Variants in MRPS14 observed in about 807,000 individuals in gnomAD.
The protein encoded by MRPS14 is small ribosomal subunit protein uS14m.
Under a neutral mutation model 16.4 loss-of-function variants are expected in MRPS14, and 14 were observed. The ratio of observed to expected loss-of-function variants is 0.85; its 90% CI spans 0.56 to 1.33. The LOEUF (loss-of-function observed/expected upper bound fraction) is 1.33, where lower values mean the gene tolerates loss of function less well. Among genes scored for constraint, MRPS14 ranks in the 40% most tolerant of loss-of-function variants. MRPS14 has a pLI of 0.00. For missense variants in MRPS14, 162 were observed against 176.8 expected, an observed-to-expected ratio of 0.92 and a Z score of 0.48; for synonymous variants, 54 against 61.9, an observed-to-expected ratio of 0.87 and a Z score of 0.60.
intron 1 of MRPS14, among the ~76,000 whole-genome samples, chr1:175,020,320 G>C (rs2149415343): frequency 6.6e-6 from 1 of 152,324 alleles, no homozygotes; most frequent in South Asian, 2.1e-4. Flanking sequence ...GGGGCAATGT[G>C]AGGTTTGCTT....
In MRPS14 at chr1:175,018,480, C is replaced by T. The variant is rs139531485; in HGVS notation, c.142G>A (p.Ala48Thr). The T allele has an allele frequency of 8.7e-6, 14 of 1,612,736 alleles. No individual in the cohort carries two copies. The highest frequency in any genetic ancestry group is 6.7e-5 in the African/African-American group (5 of 74,824). ...VKRRKMAYEY[A>T]DERLRINSLR... The stretch of plus-strand genomic sequence containing the variant: ...GAATTAATACGTAGCCTCTCATCTG[C>T]GTATTCATAGGCCATTTTTCGTCTC... The change falls in exon 2 of 3, where the codon GCA (alanine) becomes ACA (threonine). Residue 48 changes from alanine to threonine, a missense_variant. Physicochemically the swap from Ala to Thr is moderately conservative, Grantham distance 58. Coordinates refer to ENST00000476371, the MANE Select transcript of MRPS14 (RefSeq NM_022100.3).
At position 175,018,546 on chromosome 1, in the gene MRPS14, G is replaced by A. The variant is rs919286533; in HGVS notation, c.76C>T (p.Arg26Ter). 3.7e-6 allele frequency: 6 copies of A among 1,603,196 alleles called. No individual in the cohort carries two copies. The highest frequency in any genetic ancestry group is 5.1e-6 in the Non-Finnish European group (6 of 1,177,178). ...MVPSSASGQVRSHYVDWRMWR... is the reference protein window; with the variant it reads ...MVPSSASGQV ...ATTCTCCAGTCTACATAGTGACTTC[G>A]AACTTGGCCTGAAGCTGATGAAGGA... The change falls in exon 2 of 3, where the codon CGA becomes TGA. Residue 26 changes from arginine (R) to a stop codon, truncating the protein, a stop_gained. Coordinates refer to ENST00000476371, the MANE Select transcript of MRPS14 (RefSeq NM_022100.3). LOFTEE classifies it high-confidence loss of function.
At chr1:175,016,467 A>G in intron 2 of MRPS14, among the ~76,000 whole-genome samples, 1 of 152,324 alleles carries the variant, frequency 6.6e-6, no homozygotes, top group South Asian at 2.1e-4. Context: ...TCAGGACACA[A>G]AAGTGCATGC....
At chr1:175,015,871 T>C (rs1672872897) in intron 2 of MRPS14, among the ~76,000 whole-genome samples, 2 of 152,212 alleles carry the variant, frequency 1.3e-5, no homozygotes, top group Admixed American at 6.5e-5. Flanking sequence ...AGCTTATGCA[T>C]GTGTTACCAT....
intron 2 of MRPS14, among the ~76,000 whole-genome samples, chr1:175,017,738 C>G (rs1361967457): frequency 6.6e-6 from 1 of 152,106 alleles, no homozygotes; most frequent in East Asian, 1.9e-4. Flanking sequence ...GGAAGACAGG[C>G]TCAGAATGGT....
rs1672806727 is a variant in MRPS14 at position 175,013,044 on chromosome 1, C to T, written c.*1625G>A. ...ATATATATCAAGTTGGCAGTATAAA[C>T]TACTTGCAAGTAACTTTAGAACACA... On this transcript the variant is annotated 3_prime_UTR_variant, in exon 3 of 3. Coordinates refer to ENST00000476371, the MANE Select transcript of MRPS14 (RefSeq NM_022100.3). The T allele has an allele frequency of 6.6e-6, 1 of 152,192 alleles. No individual in the cohort carries two copies. Among genetic ancestry groups the T allele is most frequent in the Admixed American group, 6.5e-5 (1 of 15,274 alleles). 9.4% of individuals were successfully genotyped at this position (152,192 alleles called of 1,614,324 possible). A position where few individuals can be genotyped will look rare whatever the true frequency, so the allele number is the denominator to read the frequency against.
intron 1 of MRPS14, chr1:175,022,333 T>C (rs1011093926): frequency 2.6e-5 from 4 of 152,278 alleles, no homozygotes; most frequent in Admixed American, 6.5e-5. Context: ...AGAAAAATTT[T>C]AAATTACACA....
intron 1 of MRPS14, among the ~76,000 whole-genome samples, chr1:175,021,465 C>T (rs1309802553): frequency 6.6e-6 from 1 of 152,150 alleles, no homozygotes; most frequent in African/African-American, 2.4e-5. Flanking sequence ...TTAATAAGTG[C>T]AAGCTATTAT....
At chr1:175,020,617 T>C (rs1224638238) in intron 1 of MRPS14, among the ~76,000 whole-genome samples, 2 of 152,138 alleles carry the variant, frequency 1.3e-5, no homozygotes, top group Non-Finnish European at 2.9e-5. Flanking sequence ...CAAGCGATTC[T>C]CCTGCCTCAG....
At position 175,014,377 on chromosome 1, in the gene MRPS14, AT is replaced by A. The variant is rs1672840630; in HGVS notation, c.*291del. On this transcript the variant is annotated 3_prime_UTR_variant, in exon 3 of 3. Coordinates refer to ENST00000476371, the MANE Select transcript of MRPS14 (RefSeq NM_022100.3). ...AAAAACCCCTATATGTTACTAAAAG[AT>A]TAAACTTAAAAGGAGGGTATAAAAA... 1 of 412,700 alleles carries A rather than the reference AT, an allele frequency of 2.4e-6. No individual in the cohort carries two copies. The highest frequency in any genetic ancestry group is 4.3e-6 in the Non-Finnish European group (1 of 235,266). 25.6% of individuals were successfully genotyped at this position (412,700 alleles called of 1,614,324 possible). A position where few individuals can be genotyped will look rare whatever the true frequency, so the allele number is the denominator to read the frequency against.
chr1:175,023,404 G>A lies in MRPS14; in HGVS notation c.5C>T (p.Ala2Val), dbSNP rs765307669. 2.4e-5 allele frequency: 39 copies of A among 1,614,014 alleles called. No homozygotes were observed. Among genetic ancestry groups the A allele is most frequent in the Non-Finnish European group, 3.1e-5 (37 of 1,180,026 alleles). Residue 2 changes from alanine (A) to valine (V), a missense_variant, in exon 1 of 3, where the codon GCG (alanine) becomes GTG (valine). By Grantham distance (64) the Ala-to-Val change is moderately conservative (BLOSUM62 0). Transcript: ENST00000476371. M[A>V]AFMLGSLLRT... ...CAGCAGCGAGCCCAGCATGAAGGCCGCCATGTTGTCCGCTACAAACTACAA... is the reference window on the plus strand; with the variant it reads ...CAGCAGCGAGCCCAGCATGAAGGCCACCATGTTGTCCGCTACAAACTACAA...
intron 2 of MRPS14, among the ~76,000 whole-genome samples, chr1:175,017,815 A>G (rs993186136): frequency 2.6e-5 from 4 of 152,150 alleles, no homozygotes; most frequent in South Asian, 4.1e-4. Context: ...ATGCCTCCCA[A>G]TGCCTTGCCA....
rs757033224 is a variant in MRPS14 at position 175,014,661 on chromosome 1, G to C, written c.*8C>G. On this transcript the variant is annotated 3_prime_UTR_variant, in exon 3 of 3. Transcript: ENST00000476371. ...TTCCCTGCAAGCTCAATAGGTTCTG[G>C]AGCTCATTTACCATGTCGCTCGCTG... 1 of 1,601,632 alleles carries C rather than the reference G, an allele frequency of 6.2e-7. No individual in the cohort carries two copies. The highest frequency in any genetic ancestry group is 1.1e-5 in the South Asian group (1 of 90,208).
Position 175,018,403 on chromosome 1 carries a change from T to A in MRPS14, c.204+15A>T, listed in dbSNP as rs765964955. The A allele has an allele frequency of 6.3e-7, 1 of 1,583,070 alleles. No homozygotes were observed. Among genetic ancestry groups the A allele is most frequent in the African/African-American group, 1.3e-5 (1 of 74,080 alleles). Reference sequence around the variant, plus strand: ...TGATCTTGTGGTACAAAGGGACTCATCTTAATTAGCTAACCTGAAGAATTT... The same window carrying A: ...TGATCTTGTGGTACAAAGGGACTCAACTTAATTAGCTAACCTGAAGAATTT... On this transcript the variant is annotated intron_variant, in intron 2 of 2. Coordinates refer to ENST00000476371, the MANE Select transcript of MRPS14 (RefSeq NM_022100.3).
chr1:175,018,929 C>T (rs555842565), intron 1 of MRPS14, among the ~76,000 whole-genome samples: 197 of 152,170 alleles, frequency 1.3e-3, no homozygotes, highest in South Asian at 3.5e-3. Context: ...TGAAAAGTCT[C>T]CCCCCACCTC....
chr1:175,015,377 T>G (rs572694674), intron 2 of MRPS14, among the ~76,000 whole-genome samples: 2 of 152,214 alleles, frequency 1.3e-5, no homozygotes, highest in Non-Finnish European at 2.9e-5. Context: ...ATTTGTAAAG[T>G]ATGTGAATGT....
At chr1:175,020,612 G>A (rs1286840509) in intron 1 of MRPS14, among the ~76,000 whole-genome samples, 2 of 151,996 alleles carry the variant, frequency 1.3e-5, no homozygotes, top group Admixed American at 6.6e-5. Context: ...AGGTTCAAGC[G>A]ATTCTCCTGC....
chr1:175,023,366 G>C lies in MRPS14; in HGVS notation c.43C>G (p.Gln15Glu), dbSNP rs774948027. ...GTGGATAAAAGTAGAGGCCTGACCT[G>C]CTTGAACGTCCGCAGCAGCGAGCCC... The part of the protein sequence containing the change: ...MLGSLLRTFK[Q>E]MVPSSASGQV... Residue 15 changes from glutamine (Q) to glutamate (E), a missense_variant and splice_region_variant, in exon 1 of 3, where the codon CAG (glutamine) becomes GAG (glutamate). Transcript: ENST00000476371. The C allele has an allele frequency of 4.3e-6, 7 of 1,614,116 alleles. No individual in the cohort carries two copies. In the Admixed American group the frequency reaches 1.2e-4, roughly 27 times the overall value.
intron 1 of MRPS14, among the ~76,000 whole-genome samples, chr1:175,018,954 C>T (rs182952613): frequency 2.0e-5 from 3 of 152,286 alleles, no homozygotes; most frequent in Admixed American, 6.5e-5. Context: ...CTCACCTGCC[C>T]AATGACTCCC....
Sources: gnomAD v4.1 joint callset for allele counts (sites outside exome capture counted in the v4.1 genomes callset) on GRCh38, gnomAD v4.1.1 for gene constraint, MANE v1.5 for transcripts, NCBI Gene and HGNC (gene_info 2026-07-23, HGNC 2026-07-21) for gene names.